HERC4: variants seen among roughly 807,000 people sequenced by gnomAD.
HERC4 encodes probable E3 ubiquitin-protein ligase HERC4.
Under a neutral mutation model 124.3 loss-of-function variants are expected in HERC4, and 28 were observed. That is an observed-to-expected ratio of 0.23 (90% confidence interval 0.17 to 0.31). HERC4 has a LOEUF of 0.31. Among genes scored for constraint, HERC4 ranks in the 10% least tolerant of loss-of-function variants. The pLI is 1.00. For missense variants in HERC4, 713 were observed against 1,229.3 expected, an observed-to-expected ratio of 0.58 and a Z score of 6.28; for synonymous variants, 407 against 421.5, an observed-to-expected ratio of 0.97 and a Z score of 0.42.
At chr10:67,967,070 G>T (rs979484112) in intron 15 of HERC4, among the ~76,000 whole-genome samples, 1 of 152,140 alleles carries the variant, frequency 6.6e-6, no homozygotes, top group African/African-American at 2.4e-5. Context: ...TAGCCAGGAT[G>T]GTCTCGATCT....
intron 9 of HERC4, chr10:68,010,225 G>C: frequency 9.3e-7 from 1 of 1,073,082 alleles, no homozygotes; most frequent in Non-Finnish European, 1.4e-6. Context: ...GCATGGGAGA[G>C]CCCAGAGTGG....
chr10:68,030,198 G>T (rs928626512), intron 7 of HERC4, among the ~76,000 whole-genome samples: 1 of 151,910 alleles, frequency 6.6e-6, no homozygotes, highest in Non-Finnish European at 1.5e-5. Context: ...CCAGCATTCT[G>T]GGAGGCAGAG....
intron 15 of HERC4, 125 bp from the exon 16 acceptor site, chr10:67,966,927 T>A (rs2034904667): frequency 1.7e-6 from 1 of 594,328 alleles, no homozygotes; most frequent in African/African-American, 2.0e-5. Context: ...CAATCTCAGC[T>A]CACTGCAAGC....
At chr10:67,995,247 C>T (rs1237379095) in intron 9 of HERC4, 1 of 455,346 alleles carries the variant, frequency 2.2e-6, no homozygotes, top group Non-Finnish European at 4.4e-6. Context: ...GAAGAATTTT[C>T]ACTGAGTTCT....
intron 23 of HERC4, among the ~76,000 whole-genome samples, chr10:67,925,881 G>A (rs1258532861): frequency 6.6e-6 from 1 of 152,162 alleles, no homozygotes; most frequent in Admixed American, 6.5e-5. Flanking sequence ...CACCTTGGAA[G>A]TGAATCTCTA....
intron 8 of HERC4, 93 bp from the exon 9 acceptor site, chr10:68,014,279 T>G (rs753250802): frequency 8.4e-7 from 1 of 1,185,742 alleles, no homozygotes; most frequent in African/African-American, 1.6e-5. Flanking sequence ...GAGGTAATTT[T>G]TCTTTTCAAA....
intron 4 of HERC4, among the ~76,000 whole-genome samples, chr10:68,042,605 A>G (rs1410731746): frequency 1.3e-5 from 2 of 152,234 alleles, no homozygotes; most frequent in African/African-American, 2.4e-5. Context: ...CCTGGGTGAC[A>G]GAGTGAGACT....
rs1309558250 is a variant in HERC4 at position 68,073,041 on chromosome 10, A to T, written c.68T>A (p.Leu23Gln). 20 of 1,614,008 alleles carry T rather than the reference A, an allele frequency of 1.2e-5. No individual in the cohort carries two copies. Among genetic ancestry groups the T allele is most frequent in the Non-Finnish European group, 1.6e-5 (19 of 1,179,946 alleles). Residue 23 changes from leucine (L) to glutamine (Q), a missense_variant, in exon 3 of 25, where the codon CTA becomes CAA. Physicochemically the swap from Leu to Gln is moderately radical, Grantham distance 113. Transcript: ENST00000373700. ...GLGGIDEEIV[L>Q]EPRKSDFFIN... ...AAAGAAGTCACTTTTTCTGGGCTCTAGTACAATTTCTTCATCAATTCCACC... is the reference window on the plus strand; with the variant it reads ...AAAGAAGTCACTTTTTCTGGGCTCTTGTACAATTTCTTCATCAATTCCACC...
chr10:67,924,878 G>A (rs1031282417), intron 24 of HERC4, among the ~76,000 whole-genome samples: 3 of 152,136 alleles, frequency 2.0e-5, no homozygotes, highest in Non-Finnish European at 4.4e-5. Context: ...TCATTTCCAA[G>A]TTAGCTTCCA....
At position 68,073,079 on chromosome 10, in the gene HERC4, C is replaced by T. The variant is rs1205291998; in HGVS notation, c.30G>A (p.Gly10=). 1.2e-5 allele frequency: 20 copies of T among 1,613,898 alleles called. No individual in the cohort carries two copies. Among genetic ancestry groups the T allele is most frequent in the Non-Finnish European group, 1.6e-5 (19 of 1,179,892 alleles). The part of the protein sequence containing the change: MLCWGNASF[G]QLGLGGIDEE... ...CATCAATTCCACCCAAACCTAGCTG[C>T]CCAAAGGATGCATTTCCCCAGCACA... is the stretch of plus-strand genomic sequence containing the variant. Residue 10 remains glycine, a synonymous_variant, in exon 3 of 25, where the codon GGG becomes GGA. Coordinates refer to ENST00000373700, the MANE Select transcript of HERC4 (RefSeq NM_015601.4).
At chr10:68,073,255 T>C (rs771527533) in intron 2 of HERC4, 69 bp from the exon 3 acceptor site, 9 of 608,990 alleles carry the variant, frequency 1.5e-5, no homozygotes, top group Non-Finnish European at 2.3e-5. Context: ...TTTCAAGTGC[T>C]AGGCTACAAT....
At chr10:67,932,465 T>C (rs1329253157) in intron 23 of HERC4, 132 bp downstream of exon 23, 5 of 698,408 alleles carry the variant, frequency 7.2e-6, no homozygotes, top group Admixed American at 5.9e-5. Context: ...ATTGTGGAGT[T>C]TGAAGGGTAG....
rs191366262 is a variant in HERC4 at position 67,952,622 on chromosome 10, G to C, written c.2337+1973C>G. On this transcript the variant is annotated intron_variant, in intron 19 of 24. Transcript: ENST00000373700. ...TTAAAGACTCATAAATTGGAGGCCG[G>C]GCGCGGTGGCTCACACCTGTAATCC... Among the ~76,000 whole-genome samples the C allele has an allele frequency of 1.2e-3, 182 of 151,978 alleles. 1 individual carries two copies. The Middle Eastern group carries it at 0.031, about 26-fold the overall frequency.
intron 14 of HERC4, 63 bp from the exon 15 acceptor site, chr10:67,988,898 T>A: frequency 7.5e-7 from 1 of 1,326,368 alleles, no homozygotes. Flanking sequence ...ATTTTCAAAA[T>A]CATACTGACT....
chr10:68,054,294 C>T (rs1189547168), intron 3 of HERC4, among the ~76,000 whole-genome samples: 1 of 150,038 alleles, frequency 6.7e-6, no homozygotes, highest in Non-Finnish European at 1.5e-5. Flanking sequence ...ATTTTTTTTT[C>T]TTTTCTTCTT....
chr10:67,979,468 C>T (rs1240174625), intron 15 of HERC4, among the ~76,000 whole-genome samples: 1 of 151,746 alleles, frequency 6.6e-6, no homozygotes, highest in African/African-American at 2.4e-5. Context: ...AGAAAAAAGG[C>T]CCAAAAGGGC....
At chr10:67,988,154 A>ACTT (rs2036362674) in intron 15 of HERC4, 1 of 152,170 alleles carries the variant, frequency 6.6e-6, no homozygotes, top group Non-Finnish European at 1.5e-5. Flanking sequence ...ACTGGGAAGA[A>ACTT]GGGCAGGGAA....
intron 3 of HERC4, among the ~76,000 whole-genome samples, chr10:68,060,896 A>G (rs1027677147): frequency 6.6e-5 from 10 of 152,068 alleles, no homozygotes; most frequent in South Asian, 4.1e-4. Flanking sequence ...TTTAAGATCT[A>G]CTTTATCCTC....
rs563418955 is a variant in HERC4 at position 68,063,424 on chromosome 10, G to A, written c.226+9459C>T. Among the ~76,000 whole-genome samples, 4 of 152,094 alleles carry A rather than the reference G, an allele frequency of 2.6e-5. No homozygotes were observed. In the South Asian group the frequency reaches 8.3e-4, roughly 32 times the overall value. ...GGGGTCTCACTACACAGGCCAGGCT[G>A]GTCTTGAACTCCTGACCTTGTGATC... On this transcript the variant is annotated intron_variant, in intron 3 of 24. Transcript: ENST00000373700.
Sources: gnomAD v4.1 joint callset for allele counts (sites outside exome capture counted in the v4.1 genomes callset) on GRCh38, gnomAD v4.1.1 for gene constraint, MANE v1.5 for transcripts, NCBI Gene and HGNC (gene_info 2026-07-23, HGNC 2026-07-21) for gene names.